The following SLC5A8 variants were observed in gnomAD, a reference collection of about 807,000 sequenced individuals.
SLC5A8 encodes the protein solute carrier family 5 member 8, also known as sodium-coupled monocarboxylate transporter 1.
A neutral mutation model predicts 71.9 loss-of-function variants in SLC5A8; 55 were observed. The ratio of observed to expected loss-of-function variants is 0.77; its 90% CI spans 0.62 to 0.96. The LOEUF is 0.96. Ranked by LOEUF, SLC5A8 falls within the 40% of genes least tolerant of loss-of-function variation. SLC5A8 has a pLI of 0.00. For synonymous variants in SLC5A8, 307 were observed against 276.1 expected (o/e 1.11, Z -1.11); for missense variants, 701 against 745.3 (o/e 0.94, Z 0.69).
rs139469560 is a variant in SLC5A8, at chr12:101,170,359, T to C, written c.1234-2177A>G. Among the ~76,000 whole-genome samples, 214 of 152,128 alleles carry C rather than the reference T, an allele frequency of 1.4e-3. 1 individual carries two copies. Among genetic ancestry groups the C allele is most frequent in the African/African-American group, 4.9e-3 (202 of 41,502 alleles). On this transcript the variant is annotated intron_variant, in intron 10 of 14. Transcript: ENST00000536262. ...TATGTTTCTCTATTCCTCCTACTAA[T>C]AAAATTAAAAATCCTGACATTCCAT...
chr12:101,200,689 T>C (rs1013173109), intron 3 of SLC5A8, among the ~76,000 whole-genome samples: 3 of 152,078 alleles, frequency 2.0e-5, no homozygotes, highest in Non-Finnish European at 4.4e-5. Context: ...GAAATACAGA[T>C]GAAATGACAT....
intron 10 of SLC5A8, among the ~76,000 whole-genome samples, chr12:101,178,557 G>A (rs756302140): frequency 1.1e-4 from 16 of 152,246 alleles, no homozygotes; most frequent in South Asian, 4.1e-4. Context: ...GTAAAGGCAG[G>A]TCAATGGAAG....
At chr12:101,199,338 A>G (rs1396198555) in intron 3 of SLC5A8, 1 of 151,952 alleles carries the variant, frequency 6.6e-6, no homozygotes, top group African/African-American at 2.4e-5. Context: ...TATTCTCTGT[A>G]TTGTTCCAGT....
Position 101,184,204 on chromosome 12 carries a change from G to C in SLC5A8, c.982C>G (p.Leu328Val), listed in dbSNP as rs563260750. 6 of 1,614,112 alleles carry C rather than the reference G, an allele frequency of 3.7e-6. No homozygotes were observed. Among genetic ancestry groups the C allele is most frequent in the African/African-American group, 2.7e-5 (2 of 75,062 alleles). Residue 328 changes from leucine to valine, a missense_variant, in exon 8 of 15, where the codon CTG becomes GTG. By Grantham distance (32) the Leu-to-Val change is conservative. Coordinates refer to ENST00000536262, the MANE Select transcript of SLC5A8 (RefSeq NM_145913.5). ...CCTGGATAATCTTGCAGAATGTCCA[G>C]TACCAAATAAGGCATGAGCTGAAAA... ...APDQLMPYLVLDILQDYPGLP... is the reference protein window; with the variant it reads ...APDQLMPYLVVDILQDYPGLP...
At chr12:101,190,371 C>T in intron 6 of SLC5A8, 97 bp downstream of exon 6, 1 of 1,331,584 alleles carries the variant, frequency 7.5e-7, no homozygotes, top group Non-Finnish European at 1.0e-6. Context: ...TTTCATGACA[C>T]AAAAGACATA....
chr12:101,163,146 T>A (rs1256445647), intron 12 of SLC5A8, among the ~76,000 whole-genome samples: 1 of 152,188 alleles, frequency 6.6e-6, no homozygotes, highest in Admixed American at 6.5e-5. Context: ...GGCAGGGGGC[T>A]TTTTGTGGGA....
intron 6 of SLC5A8, among the ~76,000 whole-genome samples, chr12:101,188,933 TC>T (rs1458468509): frequency 6.6e-6 from 1 of 152,210 alleles, no homozygotes; most frequent in African/African-American, 2.4e-5. Flanking sequence ...TCTCATACTG[TC>T]TTTTGTCAAT....
rs564894457 is a variant in SLC5A8 at position 101,198,836 on chromosome 12, C to T, written c.469+3328G>A. On this transcript the variant is annotated intron_variant, in intron 3 of 14. Coordinates refer to ENST00000536262, the MANE Select transcript of SLC5A8 (RefSeq NM_145913.5). ...TCGGTAATATATAAAAAGGATAATA[C>T]ATTATGAGCAAGCAGGGTTTATCCC... Among the ~76,000 whole-genome samples the T allele has an allele frequency of 5.9e-5, 9 of 151,992 alleles. No individual in the cohort carries two copies. The East Asian group carries it at 1.3e-3, about 23-fold the overall frequency.
Position 101,209,528 on chromosome 12 carries a change from G to C in SLC5A8, c.321C>G (p.Phe107Leu), listed in dbSNP as rs768804431. The C allele has an allele frequency of 1.3e-6, 2 of 1,594,096 alleles. No homozygotes were observed. Among genetic ancestry groups the C allele is most frequent in the Non-Finnish European group, 1.7e-6 (2 of 1,167,370 alleles). Residue 107 changes from phenylalanine to leucine, a missense_variant, in exon 1 of 15, where the codon TTC (phenylalanine) becomes TTG (leucine). Physicochemically the swap from Phe to Leu is conservative, Grantham distance 22 (BLOSUM62 0). Transcript: ENST00000536262. ...AGGTGCTGGTAATTCCCAGTTTGTA[G>C]AACACCGGGAGGAAGACCTCCGCGC... ...VISAEVFLPV[F>L]YKLGITSTYE...
At chr12:101,191,932 T>C (rs1261475550) in intron 5 of SLC5A8, among the ~76,000 whole-genome samples, 3 of 152,220 alleles carry the variant, frequency 2.0e-5, no homozygotes, top group East Asian at 3.8e-4. Context: ...CTCCAATATA[T>C]GTATCCTTCA....
rs771258671 is a variant in SLC5A8, at chr12:101,168,180, T to C, written c.1236A>G (p.Ala412=). 6.3e-7 allele frequency: 1 copy of C among 1,597,862 alleles called. No homozygotes were observed. Among genetic ancestry groups the C allele is most frequent in the Non-Finnish European group, 8.5e-7 (1 of 1,173,354 alleles). The part of the protein sequence containing the change: ...LASLMGALLQ[A]ALSVFGMVGG... ...CAACCATACCAAATACGCTGAGTGCTGCCTACAAAAATAATACAACGTCAG... is the reference window on the plus strand; with the variant it reads ...CAACCATACCAAATACGCTGAGTGCCGCCTACAAAAATAATACAACGTCAG... Residue 412 remains alanine, a splice_region_variant and synonymous_variant, in exon 11 of 15, where the codon GCA becomes GCG. Transcript: ENST00000536262.
Position 101,195,140 on chromosome 12 carries a change from G to C in SLC5A8, c.492C>G (p.Gly164=), listed in dbSNP as rs143104107. ...LNQVTGFDLW[G]AVVATGVVCT... ...AGACCACCCCCGTTGCCACTACCGCGCCCCACAGATCAAATCCTGTGACTG... is the reference window on the plus strand; with the variant it reads ...AGACCACCCCCGTTGCCACTACCGCCCCCCACAGATCAAATCCTGTGACTG... The change falls in exon 4 of 15, where the codon GGC becomes GGG. Residue 164 remains glycine (G), a synonymous_variant. Coordinates refer to ENST00000536262, the MANE Select transcript of SLC5A8 (RefSeq NM_145913.5). 6.2e-7 allele frequency: 1 copy of C among 1,613,960 alleles called. No individual in the cohort carries two copies. Among genetic ancestry groups the C allele is most frequent in the Admixed American group, 1.7e-5 (1 of 60,006 alleles).
chr12:101,164,623 G>C (rs944817683), intron 12 of SLC5A8, among the ~76,000 whole-genome samples: 3 of 151,952 alleles, frequency 2.0e-5, no homozygotes, highest in Non-Finnish European at 4.4e-5. Flanking sequence ...TTCATTCTGC[G>C]ACACACACTC....
chr12:101,203,132 C>A (rs995282967), intron 2 of SLC5A8, among the ~76,000 whole-genome samples: 4 of 152,230 alleles, frequency 2.6e-5, no homozygotes, highest in Admixed American at 2.6e-4. Context: ...CTGTTGGCAT[C>A]TCTAACAAAG....
intron 3 of SLC5A8, among the ~76,000 whole-genome samples, chr12:101,196,086 A>G (rs1409895953): frequency 1.3e-5 from 2 of 152,116 alleles, no homozygotes; most frequent in African/African-American, 4.8e-5. Context: ...CCTTGTACAG[A>G]TTATTTCATC....
chr12:101,192,715 A>G (rs1868966927), intron 5 of SLC5A8, among the ~76,000 whole-genome samples: 1 of 152,332 alleles, frequency 6.6e-6, no homozygotes, highest in Middle Eastern at 3.4e-3. Context: ...TAGAAATAAT[A>G]CTTCATATTA....
chr12:101,157,302 T>C lies in SLC5A8; in HGVS notation c.1810A>G (p.Lys604Glu). The C allele has an allele frequency of 6.2e-7, 1 of 1,613,472 alleles. No individual in the cohort carries two copies. Residue 604 changes from lysine to glutamate, a missense_variant, in exon 15 of 15, where the codon AAG (lysine) becomes GAG (glutamate). Lys to Glu is a moderately conservative substitution (Grantham distance 56). Transcript: ENST00000536262. Reference sequence around the variant, plus strand: ...CTTCACAAACGAGTCCCATTGCTCTTGCCACTCTGATCTGAGTTCAATTCA... The same window carrying C: ...CTTCACAAACGAGTCCCATTGCTCTCGCCACTCTGATCTGAGTTCAATTCA... ...HIELNSDQSG[K>E]SNGTRL
At chr12:101,202,300 T>A (rs1401809682) in intron 2 of SLC5A8, 85 bp from the exon 3 acceptor site, 31 of 1,208,586 alleles carry the variant, frequency 2.6e-5, no homozygotes, top group Non-Finnish European at 3.0e-5. Context: ...TTGATTGTTT[T>A]CCTATAACTT....
At chr12:101,169,226 G>A (rs1167876988) in intron 10 of SLC5A8, among the ~76,000 whole-genome samples, 2 of 152,152 alleles carry the variant, frequency 1.3e-5, no homozygotes, top group Non-Finnish European at 2.9e-5. Flanking sequence ...ACATAACAAA[G>A]ACACCCAAAA....
Sources: gnomAD v4.1 joint callset for allele counts (sites outside exome capture counted in the v4.1 genomes callset) on GRCh38, gnomAD v4.1.1 for gene constraint, MANE v1.5 for transcripts, NCBI Gene and HGNC (gene_info 2026-07-23, HGNC 2026-07-21) for gene names.